Variants in FAM149B1 observed in about 807,000 individuals in gnomAD.
FAM149B1 encodes primary cilium assembly protein FAM149B1.
FAM149B1 carries 56 observed loss-of-function variants against 75.3 expected under a neutral mutation model. The ratio of observed to expected loss-of-function variants is 0.74; its 90% CI spans 0.60 to 0.93. FAM149B1 has a LOEUF of 0.93. Ranked by LOEUF, FAM149B1 falls within the 40% of genes least tolerant of loss-of-function variation. The probability of loss-of-function intolerance (pLI) is 0.00; values close to 1 mark genes in which losing one functional copy is unlikely to be tolerated. For synonymous variants in FAM149B1, 259 were observed against 256.1 expected, an observed-to-expected ratio of 1.01 and a Z score of -0.11; for missense variants, 639 against 708.4, an observed-to-expected ratio of 0.90 and a Z score of 1.11.
chr10:73,216,749 C>A (rs1168380330), intron 7 of FAM149B1, among the ~76,000 whole-genome samples: 1 of 152,166 alleles, frequency 6.6e-6, no homozygotes, highest in Non-Finnish European at 1.5e-5. Context: ...CAAACTTGGC[C>A]CAAGGACAGG....
chr10:73,226,869 T>TA lies in FAM149B1; in HGVS notation c.899-1190dup, dbSNP rs1554862364. 3.4e-3 allele frequency among the ~76,000 whole-genome samples: 513 copies of TA among 152,292 alleles called. 3 individuals are homozygous for TA. Among genetic ancestry groups the TA allele is most frequent in the African/African-American group, 0.011 (464 of 41,558 alleles). ...GGTGCTGGTACAAACCTATCTCTAT[T>TA]ATTAGAGCAACTTTCCCAACCTCTA... On this transcript the variant is annotated intron_variant, in intron 7 of 13. Transcript: ENST00000242505.
chr10:73,229,112 A>T (rs2043624890), intron 8 of FAM149B1, among the ~76,000 whole-genome samples: 1 of 152,200 alleles, frequency 6.6e-6, no homozygotes, highest in South Asian at 2.1e-4. Context: ...CAAAGAGAAA[A>T]GCTATTTCAA....
chr10:73,194,981 G>T (rs1016253019), intron 5 of FAM149B1, among the ~76,000 whole-genome samples: 2 of 152,182 alleles, frequency 1.3e-5, no homozygotes, highest in African/African-American at 4.8e-5. Context: ...ACCACGCCCA[G>T]CCCAAAGTAG....
chr10:73,239,566 A>G (rs1480941660), intron 13 of FAM149B1, among the ~76,000 whole-genome samples, 182 bp downstream of exon 13: 3 of 152,142 alleles, frequency 2.0e-5, no homozygotes, highest in Non-Finnish European at 4.4e-5. Flanking sequence ...AAGCTAGGAG[A>G]GTTCTATTGC....
chr10:73,224,867 A>C (rs1165954480), intron 7 of FAM149B1, among the ~76,000 whole-genome samples: 1 of 152,226 alleles, frequency 6.6e-6, no homozygotes, highest in African/African-American at 2.4e-5. Context: ...TAAGGGTTGC[A>C]CAACATCATG....
chr10:73,244,069 G>T lies in FAM149B1; in HGVS notation c.*3050G>T. ...AAAATGAATCGAATTACATAACTAT[G>T]TCATTCATTAAATGGCAACAATGCT... On this transcript the variant is annotated 3_prime_UTR_variant, in exon 14 of 14. Coordinates refer to ENST00000242505, the MANE Select transcript of FAM149B1 (RefSeq NM_173348.2). The T allele has an allele frequency of 1.5e-6, 1 of 652,322 alleles. No individual in the cohort carries two copies. Among genetic ancestry groups the T allele is most frequent in the Non-Finnish European group, 2.6e-6 (1 of 380,552 alleles). The allele number at this position is 652,322 out of a possible 1,614,324, so 40.4% of individuals were successfully genotyped here.
chr10:73,220,045 TAATAA>T (rs1014474484), intron 7 of FAM149B1, among the ~76,000 whole-genome samples: 1 of 150,834 alleles, frequency 6.6e-6, no homozygotes, highest in Non-Finnish European at 1.5e-5. Flanking sequence ...TATAACTCAA[TAATAA>T]AAGCTCAAAC....
intron 7 of FAM149B1, among the ~76,000 whole-genome samples, chr10:73,213,625 T>C (rs1325083580): frequency 6.6e-6 from 1 of 152,186 alleles, no homozygotes; most frequent in African/African-American, 2.4e-5. Flanking sequence ...GTTGACTTTG[T>C]CAAAGATCAG....
At chr10:73,234,467 G>A (rs1564716251) in intron 10 of FAM149B1, 1 of 218,144 alleles carries the variant, frequency 4.6e-6, no homozygotes, top group Non-Finnish European at 9.3e-6. Flanking sequence ...ATAACCAGAA[G>A]GTCCAGAACT....
At chr10:73,225,573 A>G (rs1044157390) in intron 7 of FAM149B1, among the ~76,000 whole-genome samples, 2 of 152,248 alleles carry the variant, frequency 1.3e-5, no homozygotes, top group Non-Finnish European at 2.9e-5. Context: ...AAAAAAATAA[A>G]AAATTTATAA....
rs184561715 is a variant in FAM149B1 at position 73,173,861 on chromosome 10, A to G, written c.48-826A>G. Reference sequence around the variant, plus strand: ...ATTTTCCAATATATTTATTGAAAAAAATCTGCATATAAATGGGCTCACACA... The same window carrying G: ...ATTTTCCAATATATTTATTGAAAAAGATCTGCATATAAATGGGCTCACACA... On this transcript the variant is annotated intron_variant, in intron 1 of 13. Transcript: ENST00000242505. Among the ~76,000 whole-genome samples, 172 of 152,280 alleles carry G rather than the reference A, an allele frequency of 1.1e-3. 2 individuals are homozygous for G. Among genetic ancestry groups the G allele is most frequent in the South Asian group, 0.011 (52 of 4,828 alleles).
chr10:73,200,938 A>G, intron 5 of FAM149B1: 1 of 458,602 alleles, frequency 2.2e-6, no homozygotes, highest in South Asian at 1.8e-5. Context: ...CCAGAAGGAG[A>G]GAGATACTAT....
chr10:73,186,889 G>A (rs907935666), intron 3 of FAM149B1, among the ~76,000 whole-genome samples: 1 of 152,116 alleles, frequency 6.6e-6, no homozygotes, highest in African/African-American at 2.4e-5. Flanking sequence ...AGAGAGGAAT[G>A]GGGGATGACT....
In FAM149B1 at chr10:73,173,040, G is replaced by T. The variant is rs118044747; in HGVS notation, c.48-1647G>T. 4.9e-3 allele frequency among the ~76,000 whole-genome samples: 753 copies of T among 152,138 alleles called. 4 individuals are homozygous for T. The highest frequency in any genetic ancestry group is 8.9e-3 in the Non-Finnish European group (605 of 67,992). The stretch of plus-strand genomic sequence containing the variant: ...AGGCTGAGACAGAAGAATCCCTTGA[G>T]CCCAGGAGGTCAAGGCTGCAGTGAG... On this transcript the variant is annotated intron_variant, in intron 1 of 13. Transcript: ENST00000242505.
intron 2 of FAM149B1, 102 bp from the exon 3 acceptor site, chr10:73,177,744 T>C (rs1267863680): frequency 5.1e-5 from 52 of 1,016,690 alleles, no homozygotes; most frequent in Non-Finnish European, 6.8e-5. Context: ...TTTGTACACA[T>C]GTTAATCACC....
chr10:73,214,917 C>CTGTT (rs531868006), intron 7 of FAM149B1, among the ~76,000 whole-genome samples: 21 of 152,204 alleles, frequency 1.4e-4, no homozygotes, highest in African/African-American at 3.9e-4. Context: ...GTGAATCCAT[C>CTGTT]TGTTTGTTTG....
chr10:73,174,546 C>T (rs180846628), intron 1 of FAM149B1, 141 bp from the exon 2 acceptor site: 22 of 556,832 alleles, frequency 4.0e-5, no homozygotes, highest in Middle Eastern at 4.9e-4. Context: ...TCTGACTAGC[C>T]AGATTTTAAT....
At chr10:73,218,146 T>C (rs1407904492) in intron 7 of FAM149B1, among the ~76,000 whole-genome samples, 1 of 151,394 alleles carries the variant, frequency 6.6e-6, no homozygotes, top group Non-Finnish European at 1.5e-5. Flanking sequence ...TTAAAAGGAG[T>C]GGGGAATGGA....
At chr10:73,240,884 A>T in intron 13 of FAM149B1, 62 bp from the exon 14 acceptor site, 2 of 998,640 alleles carry the variant, frequency 2.0e-6, no homozygotes, top group Non-Finnish European at 3.1e-6. Context: ...CCTTAGCTAT[A>T]AACTTGAGAG....
Sources: allele counts gnomAD v4.1 joint callset (sites outside exome capture counted in the v4.1 genomes callset), GRCh38; gene constraint gnomAD v4.1.1; transcripts MANE v1.5; gene names NCBI Gene and HGNC (gene_info 2026-07-23, HGNC 2026-07-21).